The following NETO2 variants were observed in gnomAD, a reference collection of about 807,000 sequenced individuals.
NETO2 encodes the protein neuropilin and tolloid like 2, also known as neuropilin and tolloid-like protein 2.
In NETO2, 28 loss-of-function variants were observed where a neutral mutation model predicts 62.5. The ratio of observed to expected loss-of-function variants is 0.45; its 90% CI spans 0.33 to 0.61. NETO2 has a LOEUF of 0.61. NETO2 is among the 20% of genes least tolerant of loss of function. The pLI is 0.02. For missense variants in NETO2, 548 were observed against 643.2 expected, an observed-to-expected ratio of 0.85 and a Z score of 1.60; for synonymous variants, 214 against 219.1, an observed-to-expected ratio of 0.98 and a Z score of 0.21.
intron 7 of NETO2, among the ~76,000 whole-genome samples, chr16:47,104,030 C>A (rs1963616023): frequency 6.6e-6 from 1 of 151,946 alleles, no homozygotes; most frequent in African/African-American, 2.4e-5. Flanking sequence ...AGCAATTAGG[C>A]AAGAAAAGGA....
intron 1 of NETO2, among the ~76,000 whole-genome samples, chr16:47,135,838 G>A (rs1352554707): frequency 6.6e-6 from 1 of 151,732 alleles, no homozygotes; most frequent in African/African-American, 2.4e-5. Context: ...CTGGAAAGAA[G>A]ACAAAATTAT....
Position 47,083,278 on chromosome 16 carries a change from T to G in NETO2, c.1521A>C (p.Glu507Asp), listed in dbSNP as rs1221217562. ...AATCTTCTCGCCCCCTGACATAAAT[T>G]TCACAGGGAATCTCCTCCATTACTC... ...EDRVMEEIPC[E>D]IYVRGREDSA... Residue 507 changes from glutamate to aspartate, a missense_variant, in exon 9 of 9, where the codon GAA becomes GAC. By Grantham distance (45) the Glu-to-Asp change is conservative. Coordinates refer to ENST00000562435, the MANE Select transcript of NETO2 (RefSeq NM_018092.5). The G allele has an allele frequency of 6.2e-7, 1 of 1,613,840 alleles. No individual in the cohort carries two copies.
At chr16:47,122,576 A>C (rs1964062908) in intron 6 of NETO2, 81 bp downstream of exon 6, 2 of 1,513,094 alleles carry the variant, frequency 1.3e-6, no homozygotes, top group Non-Finnish European at 1.8e-6. Flanking sequence ...ATAAATATTT[A>C]CACAAACCAA....
chr16:47,090,611 G>A (rs376961932), intron 7 of NETO2, among the ~76,000 whole-genome samples: 1 of 152,306 alleles, frequency 6.6e-6, no homozygotes, highest in East Asian at 1.9e-4. Flanking sequence ...ATTTCAATGA[G>A]ATGTGGCAAT....
chr16:47,123,183 C>T (rs1964076465), intron 4 of NETO2, among the ~76,000 whole-genome samples: 1 of 152,208 alleles, frequency 6.6e-6, no homozygotes, highest in African/African-American at 2.4e-5. Flanking sequence ...CGGAACATCA[C>T]ATATACAATA....
At chr16:47,113,275 C>G (rs1026822332) in intron 6 of NETO2, among the ~76,000 whole-genome samples, 2 of 152,202 alleles carry the variant, frequency 1.3e-5, no homozygotes, top group African/African-American at 4.8e-5. Flanking sequence ...TCTGCTTGCT[C>G]TACTCAATCC....
At chr16:47,130,352 C>T (rs1964239821) in intron 2 of NETO2, among the ~76,000 whole-genome samples, 1 of 152,060 alleles carries the variant, frequency 6.6e-6, no homozygotes, top group Admixed American at 6.6e-5. Flanking sequence ...CTTGCCCACA[C>T]CTGCAGACAG....
chr16:47,143,480 G>A, intron 1 of NETO2, 99 bp downstream of exon 1: 1 of 1,188,856 alleles, frequency 8.4e-7, no homozygotes, highest in Non-Finnish European at 1.0e-6. Flanking sequence ...GGCGCGTCGG[G>A]TCCCGGGCGC....
In NETO2 at chr16:47,079,397, T is replaced by A. The variant is rs1457741490; in HGVS notation, c.*3824A>T. 1 of 139,422 alleles carries A rather than the reference T, an allele frequency of 7.2e-6. No individual in the cohort carries two copies. The highest frequency in any genetic ancestry group is 1.6e-5 in the Non-Finnish European group (1 of 63,820). The allele number at this position is 139,422 out of a possible 1,614,324, so 8.6% of individuals were successfully genotyped here. ...GATCACGAGGTCAGGAGATTGAGAC[T>A]ATCCTGGCTAACACGGTGAAACCCC... On this transcript the variant is annotated 3_prime_UTR_variant, in exon 9 of 9. Transcript: ENST00000562435.
At chr16:47,117,187 T>G (rs1963940806) in intron 6 of NETO2, among the ~76,000 whole-genome samples, 1 of 152,166 alleles carries the variant, frequency 6.6e-6, no homozygotes, top group African/African-American at 2.4e-5. Flanking sequence ...TTGTGAAGAT[T>G]CTGATCCACT....
intron 1 of NETO2, among the ~76,000 whole-genome samples, chr16:47,132,444 T>C (rs1444566339): frequency 6.6e-6 from 1 of 152,192 alleles, no homozygotes; most frequent in Non-Finnish European, 1.5e-5. Flanking sequence ...TTAGATTATA[T>C]CTGTTTTCTG....
At chr16:47,109,124 C>A (rs1963735607) in intron 7 of NETO2, among the ~76,000 whole-genome samples, 1 of 152,016 alleles carries the variant, frequency 6.6e-6, no homozygotes, top group Non-Finnish European at 1.5e-5. Context: ...TCCAAGAGAA[C>A]AGGGACCAAG....
At chr16:47,122,819 A>C (rs773823227) in intron 5 of NETO2, 35 bp from the exon 6 acceptor site, 32 of 1,613,908 alleles carry the variant, frequency 2.0e-5, no homozygotes, top group Non-Finnish European at 2.7e-5. Context: ...TCAAAGGAAC[A>C]TAAGACTAAT....
At chr16:47,122,825 C>T in intron 5 of NETO2, 41 bp from the exon 6 acceptor site, 1 of 1,613,758 alleles carries the variant, frequency 6.2e-7, no homozygotes, top group Non-Finnish European at 8.5e-7. Flanking sequence ...GAACATAAGA[C>T]TAATCAAAAA....
chr16:47,094,562 A>T (rs979655360), intron 7 of NETO2, among the ~76,000 whole-genome samples: 1 of 151,222 alleles, frequency 6.6e-6, no homozygotes, highest in Non-Finnish European at 1.5e-5. Flanking sequence ...AGTAGCTGGG[A>T]CTACAGGCGC....
intron 7 of NETO2, among the ~76,000 whole-genome samples, chr16:47,104,131 C>T (rs1220347459): frequency 6.6e-6 from 1 of 152,150 alleles, no homozygotes; most frequent in Non-Finnish European, 1.5e-5. Context: ...CTAAAGATCA[C>T]ACCCACCCCC....
intron 7 of NETO2, among the ~76,000 whole-genome samples, chr16:47,087,484 T>C (rs1963219240): frequency 6.6e-6 from 1 of 152,210 alleles, no homozygotes; most frequent in Non-Finnish European, 1.5e-5. Flanking sequence ...GTACAGAGTT[T>C]CAGTTTGGGA....
At chr16:47,118,922 TTA>T (rs1963978969) in intron 6 of NETO2, among the ~76,000 whole-genome samples, 1 of 152,152 alleles carries the variant, frequency 6.6e-6, no homozygotes, top group Non-Finnish European at 1.5e-5. Context: ...TTCCCTCCAT[TTA>T]TAGTTTGTTT....
chr16:47,119,970 G>A (rs1964004251), intron 6 of NETO2, among the ~76,000 whole-genome samples: 1 of 152,150 alleles, frequency 6.6e-6, no homozygotes, highest in Non-Finnish European at 1.5e-5. Flanking sequence ...GATGTTGGGA[G>A]CAAGATACTG....
Sources: allele counts gnomAD v4.1 joint callset (sites outside exome capture counted in the v4.1 genomes callset), GRCh38; gene constraint gnomAD v4.1.1; transcripts MANE v1.5; gene names NCBI Gene and HGNC (gene_info 2026-07-23, HGNC 2026-07-21).